The following MDGA2 variants were observed in gnomAD, a reference collection of about 807,000 sequenced individuals.
MDGA2 encodes MAM domain-containing glycosylphosphatidylinositol anchor protein 2.
A neutral mutation model predicts 117.8 loss-of-function variants in MDGA2; 40 were observed. The ratio of observed to expected loss-of-function variants is 0.34; its 90% CI spans 0.26 to 0.44. The LOEUF is 0.44. Among genes scored for constraint, MDGA2 ranks in the 20% least tolerant of loss-of-function variants. MDGA2 has a pLI of 1.00. For synonymous variants in MDGA2, 452 were observed against 439.0 expected (o/e 1.03, Z -0.37); for missense variants, 1,123 against 1,250.6 (o/e 0.90, Z 1.54).
At chr14:46,916,285 G>A (rs554107251) in intron 10 of MDGA2, among the ~76,000 whole-genome samples, 3 of 152,180 alleles carry the variant, frequency 2.0e-5, no homozygotes, top group African/African-American at 7.2e-5. Flanking sequence ...GAAGAGGGGC[G>A]GAGGAGCTGG....
chr14:46,894,155 A>G (rs980595928), intron 10 of MDGA2, among the ~76,000 whole-genome samples: 4 of 152,104 alleles, frequency 2.6e-5, no homozygotes, highest in Admixed American at 6.5e-5. Context: ...TTTAAATCTT[A>G]TAAAAAATCT....
At chr14:47,225,042 AC>A (rs1886435480) in intron 2 of MDGA2, among the ~76,000 whole-genome samples, 1 of 152,228 alleles carries the variant, frequency 6.6e-6, no homozygotes, top group South Asian at 2.1e-4. Flanking sequence ...TAAAAAAAGA[AC>A]CACAATTTTC....
chr14:46,857,893 T>A (rs893208939), intron 14 of MDGA2, among the ~76,000 whole-genome samples: 1 of 152,104 alleles, frequency 6.6e-6, no homozygotes, highest in African/African-American at 2.4e-5. Context: ...GTTCAAGCAA[T>A]CCTCCTGCCT....
chr14:47,491,617 G>T (rs894266892), intron 1 of MDGA2, among the ~76,000 whole-genome samples: 1 of 152,060 alleles, frequency 6.6e-6, no homozygotes, highest in Non-Finnish European at 1.5e-5. Flanking sequence ...AGGTGTAGTT[G>T]TTTTGTTTTT....
intron 6 of MDGA2, among the ~76,000 whole-genome samples, chr14:47,077,528 T>C (rs1890539864): frequency 6.6e-6 from 1 of 152,116 alleles, no homozygotes; most frequent in South Asian, 2.1e-4. Flanking sequence ...TTGCATTTTC[T>C]ACATAATGGG....
At chr14:46,871,859 G>T (rs903313348) in intron 14 of MDGA2, 1 of 367,872 alleles carries the variant, frequency 2.7e-6, no homozygotes, top group Non-Finnish European at 5.7e-6. Flanking sequence ...CTTCTCAAAA[G>T]CTTTCTGGCT....
At chr14:47,025,911 G>A (rs1380184831) in intron 8 of MDGA2, among the ~76,000 whole-genome samples, 2 of 152,036 alleles carry the variant, frequency 1.3e-5, no homozygotes, top group Non-Finnish European at 2.9e-5. Flanking sequence ...ATGTTGGCAA[G>A]CTATTGTTTC....
At chr14:47,579,714 A>C (rs559470831) in intron 1 of MDGA2, among the ~76,000 whole-genome samples, 1 of 152,196 alleles carries the variant, frequency 6.6e-6, no homozygotes, top group South Asian at 2.1e-4. Context: ...ACATCTAAAA[A>C]TAATAAAAAT....
intron 1 of MDGA2, among the ~76,000 whole-genome samples, chr14:47,417,854 C>CAGGT (rs1400109840): frequency 7.2e-5 from 11 of 152,112 alleles, no homozygotes; most frequent in African/African-American, 2.4e-4. Flanking sequence ...GCTGGGACTA[C>CAGGT]AGGTGCACAT....
intron 7 of MDGA2, among the ~76,000 whole-genome samples, chr14:47,054,755 G>C (rs1889607405): frequency 6.6e-6 from 1 of 151,580 alleles, no homozygotes; most frequent in Admixed American, 6.6e-5. Context: ...AATGGGGAAA[G>C]GATTCCCTAT....
chr14:47,145,542 A>G (rs1479146426), intron 3 of MDGA2, among the ~76,000 whole-genome samples: 1 of 152,206 alleles, frequency 6.6e-6, no homozygotes, highest in African/African-American at 2.4e-5. Flanking sequence ...GTATAAACTT[A>G]GTATATACTT....
intron 8 of MDGA2, among the ~76,000 whole-genome samples, chr14:47,012,257 A>G (rs1463989228): frequency 6.6e-6 from 1 of 152,160 alleles, no homozygotes; most frequent in Admixed American, 6.6e-5. Flanking sequence ...CTTGTCTGTA[A>G]AATAGTCAGT....
intron 1 of MDGA2, among the ~76,000 whole-genome samples, chr14:47,382,952 CCCAAATGT>C (rs1891670240): frequency 6.6e-6 from 1 of 152,174 alleles, no homozygotes; most frequent in Non-Finnish European, 1.5e-5. Flanking sequence ...TTGCAACCAA[CCCAAATGT>C]CCATCAATGA....
At chr14:46,976,820 TAGAA>T (rs1276618620) in intron 8 of MDGA2, among the ~76,000 whole-genome samples, 3 of 151,896 alleles carry the variant, frequency 2.0e-5, no homozygotes, top group Admixed American at 6.6e-5. Flanking sequence ...ATCTCACAGA[TAGAA>T]AGGAACTGTG....
chr14:47,639,433 A>C (rs894465347), intron 1 of MDGA2, among the ~76,000 whole-genome samples: 1 of 152,180 alleles, frequency 6.6e-6, no homozygotes, highest in African/African-American at 2.4e-5. Context: ...TAACAGAGAC[A>C]GTAATTTTGT....
chr14:47,419,950 G>T (rs764869355), intron 1 of MDGA2, among the ~76,000 whole-genome samples: 56 of 151,946 alleles, frequency 3.7e-4, no homozygotes, highest in Non-Finnish European at 5.4e-4. Context: ...AAATTAAAAG[G>T]TAACAAGATA....
intron 1 of MDGA2, among the ~76,000 whole-genome samples, chr14:47,615,589 G>A (rs1311766541): frequency 6.6e-6 from 1 of 152,166 alleles, no homozygotes; most frequent in Non-Finnish European, 1.5e-5. Context: ...GATATTTACA[G>A]GGACTGCAGT....
intron 3 of MDGA2, among the ~76,000 whole-genome samples, chr14:47,176,850 C>G (rs1884476286): frequency 6.6e-6 from 1 of 152,156 alleles, no homozygotes; most frequent in Non-Finnish European, 1.5e-5. Context: ...AAACTACCAT[C>G]AGAGTGAACA....
At position 47,281,759 on chromosome 14, in the gene MDGA2, T is replaced by C. The variant is rs538161901; in HGVS notation, c.420+19652A>G. The stretch of plus-strand genomic sequence containing the variant: ...GTATGTATTAATTGAAATTCATCTG[T>C]AAAGAAGACACTTTCGGCTAGGCAC... On this transcript the variant is annotated intron_variant, in intron 2 of 16. Coordinates refer to ENST00000399232, the MANE Select transcript of MDGA2 (RefSeq NM_001113498.3). Among the ~76,000 whole-genome samples the C allele has an allele frequency of 6.6e-5, 10 of 152,124 alleles. No individual in the cohort carries two copies. In the South Asian group the frequency reaches 2.1e-3, roughly 31 times the overall value.
Sources: gnomAD v4.1 joint callset for allele counts (sites outside exome capture counted in the v4.1 genomes callset) on GRCh38, gnomAD v4.1.1 for gene constraint, MANE v1.5 for transcripts, NCBI Gene and HGNC (gene_info 2026-07-23, HGNC 2026-07-21) for gene names.